Variants in MYO18B observed in about 807,000 individuals in gnomAD.
MYO18B encodes unconventional myosin-XVIIIb.
A neutral mutation model predicts 273.0 loss-of-function variants in MYO18B; 204 were observed. That is an observed-to-expected ratio of 0.75 (90% confidence interval 0.67 to 0.84). The LOEUF (loss-of-function observed/expected upper bound fraction) is 0.84. Ranked by LOEUF, MYO18B falls within the 40% of genes least tolerant of loss-of-function variation. The pLI is 0.00. For synonymous variants in MYO18B, 1,330 were observed against 1,305.7 expected, an observed-to-expected ratio of 1.02 and a Z score of -0.40; for missense variants, 3,212 against 3,287.6, an observed-to-expected ratio of 0.98 and a Z score of 0.56.
Position 25,985,253 on chromosome 22 carries a change from T to C in MYO18B, c.6157-7110T>C, listed in dbSNP as rs1022098721. On this transcript the variant is annotated intron_variant, in intron 39 of 43. Transcript: ENST00000335473. ...GCAGGTGCCTGTAATCCCAGCTGTT[T>C]GGGGGGCTGAGGCAGGAGAATTGCT... Among the ~76,000 whole-genome samples, 7 of 152,120 alleles carry C rather than the reference T, an allele frequency of 4.6e-5. 1 individual carries two copies. Among genetic ancestry groups the C allele is most frequent in the African/African-American group, 1.7e-4 (7 of 41,504 alleles).
intron 39 of MYO18B, among the ~76,000 whole-genome samples, chr22:25,958,328 G>A (rs1040903890): frequency 1.3e-5 from 2 of 152,072 alleles, no homozygotes; most frequent in African/African-American, 4.8e-5. Flanking sequence ...CTGCTTGGTT[G>A]GCATTCTGAA....
intron 39 of MYO18B, among the ~76,000 whole-genome samples, chr22:25,985,707 G>A (rs2093195266): frequency 6.6e-6 from 1 of 151,532 alleles, no homozygotes; most frequent in African/African-American, 2.4e-5. Context: ...TCGGCTCAAT[G>A]CACCCTCCGC....
In MYO18B at chr22:25,777,606, C is replaced by A; in HGVS notation, c.1893C>A (p.Gly631=). Residue 631 remains glycine (G), a synonymous_variant, in exon 8 of 44, where the codon GGC becomes GGA. Transcript: ENST00000335473. ...AGGTGCCCAAGGGCCGCCGGGATGG[C>A]CTGCCTGCCCACATTGGCTCCATGG... ...AGKVPKGRRD[G]LPAHIGSMAQ... 6.3e-7 allele frequency: 1 copy of A among 1,597,986 alleles called. No individual in the cohort carries two copies. The highest frequency in any genetic ancestry group is 8.5e-7 in the Non-Finnish European group (1 of 1,172,660).
chr22:25,790,334 A>G (rs1466915490), intron 11 of MYO18B, among the ~76,000 whole-genome samples: 1 of 152,166 alleles, frequency 6.6e-6, no homozygotes, highest in Non-Finnish European at 1.5e-5. Flanking sequence ...AGTTACATAC[A>G]TTTACATGGT....
chr22:25,932,567 C>T (rs1255496717), intron 34 of MYO18B, among the ~76,000 whole-genome samples: 1 of 151,964 alleles, frequency 6.6e-6, no homozygotes, highest in East Asian at 1.9e-4. Context: ...CGTCACCATG[C>T]CCGGCTAATT....
intron 42 of MYO18B, among the ~76,000 whole-genome samples, chr22:26,019,089 T>C (rs1251382017): frequency 6.6e-6 from 1 of 152,160 alleles, no homozygotes; most frequent in Non-Finnish European, 1.5e-5. Context: ...CCCTTCTCCA[T>C]GGTTTTTTTC....
chr22:25,964,376 TC>T (rs1478404969), intron 39 of MYO18B: 1 of 152,166 alleles, frequency 6.6e-6, no homozygotes, highest in African/African-American at 2.4e-5. Context: ...AAAGTCACAT[TC>T]CCAGTAAATG....
chr22:25,869,473 AGAAGGAAGGAAG>A (rs138506899), intron 22 of MYO18B, among the ~76,000 whole-genome samples: 11 of 115,810 alleles, frequency 9.5e-5, no homozygotes, highest in Admixed American at 6.6e-4. Context: ...AAAAAAAAAA[AGAAGGAAGGAAG>A]GAAGGAAGGA....
At chr22:25,911,115 C>T (rs1425122392) in intron 33 of MYO18B, 65 bp downstream of exon 33, 1 of 1,214,850 alleles carries the variant, frequency 8.2e-7, no homozygotes, top group Non-Finnish European at 1.2e-6. Context: ...GAGATGGGCT[C>T]ATGGAGAGAA....
the MYO18B span, among the ~76,000 whole-genome samples, chr22:26,042,945 C>T: frequency 2.6e-5 from 4 of 152,166 alleles, no homozygotes; most frequent in African/African-American, 4.8e-5. Context: ...ACTTTGCGTG[C>T]AATGAAATTG....
At chr22:25,910,296 C>A (rs1412094404) in intron 32 of MYO18B, among the ~76,000 whole-genome samples, 1 of 152,126 alleles carries the variant, frequency 6.6e-6, no homozygotes, top group Non-Finnish European at 1.5e-5. Flanking sequence ...GGCTTGCAGA[C>A]CACCACCTCC....
chr22:25,773,595 C>T (rs1037733059), intron 7 of MYO18B, among the ~76,000 whole-genome samples: 1 of 152,134 alleles, frequency 6.6e-6, no homozygotes, highest in African/African-American at 2.4e-5. Context: ...CCCCGAGTAG[C>T]TGGGACTACA....
At chr22:25,951,592 G>A (rs536597051) in intron 37 of MYO18B, among the ~76,000 whole-genome samples, 1 of 152,294 alleles carries the variant, frequency 6.6e-6, no homozygotes, top group South Asian at 2.1e-4. Flanking sequence ...TTGAAGTCAT[G>A]GTCCCTCCAA....
At chr22:25,911,216 A>C (rs114353663) in intron 33 of MYO18B, among the ~76,000 whole-genome samples, 166 bp downstream of exon 33, 1 of 152,200 alleles carries the variant, frequency 6.6e-6, no homozygotes, top group Admixed American at 6.5e-5. Flanking sequence ...TGCAAACAGC[A>C]GGGTTTTTGT....
At chr22:26,012,998 A>T (rs539378906) in intron 42 of MYO18B, among the ~76,000 whole-genome samples, 1 of 152,276 alleles carries the variant, frequency 6.6e-6, no homozygotes, top group African/African-American at 2.4e-5. Flanking sequence ...CCTCAAAGAA[A>T]CCCACCATCC....
intron 33 of MYO18B, among the ~76,000 whole-genome samples, chr22:25,911,833 C>T (rs1040374963): frequency 1.2e-4 from 18 of 152,160 alleles, no homozygotes; most frequent in African/African-American, 2.9e-4. Context: ...AGGCAGCTTC[C>T]GATTTCAGAG....
At position 25,755,496 on chromosome 22, in the gene MYO18B, G is replaced by T. The variant is rs548652832; in HGVS notation, c.-109-5488G>T. On this transcript the variant is annotated intron_variant, in intron 1 of 43. Coordinates refer to ENST00000335473, the MANE Select transcript of MYO18B (RefSeq NM_032608.7). ...GTTGGAGTTACAGGCGTGAGCCACC[G>T]CGCCCAGCCACTTTCCTGTGCCTTT... is the stretch of plus-strand genomic sequence containing the variant. Among the ~76,000 whole-genome samples, 24 of 152,294 alleles carry T rather than the reference G, an allele frequency of 1.6e-4. No individual in the cohort carries two copies. The East Asian group carries it at 2.1e-3, about 14-fold the overall frequency.
chr22:25,991,141 C>A (rs980190826), intron 39 of MYO18B, among the ~76,000 whole-genome samples: 5 of 152,228 alleles, frequency 3.3e-5, no homozygotes, highest in African/African-American at 1.2e-4. Context: ...ATTTCCCTAA[C>A]CATTCCCAAT....
the MYO18B span, among the ~76,000 whole-genome samples, chr22:26,047,964 T>C: frequency 1.3e-5 from 2 of 152,190 alleles, no homozygotes; most frequent in African/African-American, 4.8e-5. Context: ...TCCTTCTCTT[T>C]TGCTGTTCCT....
Sources: allele counts gnomAD v4.1 joint callset (sites outside exome capture counted in the v4.1 genomes callset), GRCh38; gene constraint gnomAD v4.1.1; transcripts MANE v1.5; gene names NCBI Gene and HGNC (gene_info 2026-07-23, HGNC 2026-07-21).